TCF12: variants seen among roughly 807,000 people sequenced by gnomAD.
The protein encoded by TCF12 is DNA-binding protein HTF4.
In TCF12, 45 loss-of-function variants were observed where a neutral mutation model predicts 86.0. The ratio of observed to expected loss-of-function variants is 0.52; its 90% CI spans 0.41 to 0.67. The LOEUF is 0.67. Ranked by LOEUF, TCF12 falls within the 30% of genes least tolerant of loss-of-function variation. The pLI is 0.00. For missense variants in TCF12, 881 were observed against 859.9 expected, an observed-to-expected ratio of 1.02 and a Z score of -0.31; for synonymous variants, 330 against 299.6, an observed-to-expected ratio of 1.10 and a Z score of -1.05.
chr15:57,131,159 A>G (rs1354541956), intron 5 of TCF12, among the ~76,000 whole-genome samples: 3 of 152,208 alleles, frequency 2.0e-5, no homozygotes, highest in African/African-American at 7.2e-5. Context: ...TTGGAATCAA[A>G]AAAGAGAAAA....
rs1401350622 is a variant in TCF12 at position 57,273,026 on chromosome 15, C to G, written c.1746-4C>G. On this transcript the variant is annotated splice_region_variant and splice_polypyrimidine_tract_variant and intron_variant, in intron 18 of 20. Coordinates refer to ENST00000333725, the MANE Select transcript of TCF12 (RefSeq NM_207037.2). ...ATAGACCTTGTTGTTACTTTATTTTCTAGCAGTACTAATGAAGATGAGGAT... is the reference window on the plus strand; with the variant it reads ...ATAGACCTTGTTGTTACTTTATTTTGTAGCAGTACTAATGAAGATGAGGAT... 1.9e-6 allele frequency: 3 copies of G among 1,613,012 alleles called. No homozygotes were observed. Among genetic ancestry groups the G allele is most frequent in the Non-Finnish European group, 2.5e-6 (3 of 1,179,266 alleles).
At chr15:57,014,965 C>T (rs2065066735) in intron 3 of TCF12, among the ~76,000 whole-genome samples, 1 of 151,240 alleles carries the variant, frequency 6.6e-6, no homozygotes, top group Non-Finnish European at 1.5e-5. Flanking sequence ...GGGTCTGAGT[C>T]TGAGGAGGAG....
rs146114826 is a variant in TCF12 at position 57,092,977 on chromosome 15, C to G, written c.325+1086C>G. Among the ~76,000 whole-genome samples the G allele has an allele frequency of 2.0e-5, 3 of 152,166 alleles. No individual in the cohort carries two copies. In the East Asian group the frequency reaches 5.8e-4, roughly 29 times the overall value. ...TTGTTTCCCTTATTCTCTATAGTGT[C>G]GAGGAGACAGAATCTGATAGTCTAG... On this transcript the variant is annotated intron_variant, in intron 5 of 20. Coordinates refer to ENST00000333725, the MANE Select transcript of TCF12 (RefSeq NM_207037.2).
At chr15:57,012,450 A>G (rs2064888197) in intron 3 of TCF12, among the ~76,000 whole-genome samples, 1 of 152,212 alleles carries the variant, frequency 6.6e-6, no homozygotes, top group South Asian at 2.1e-4. Context: ...TATAAGTAGA[A>G]ACTATTATTC....
At chr15:57,097,060 C>G (rs1006300303) in intron 5 of TCF12, among the ~76,000 whole-genome samples, 4 of 152,070 alleles carry the variant, frequency 2.6e-5, no homozygotes, top group Non-Finnish European at 5.9e-5. Context: ...GGAATTTAAG[C>G]CCAAGTACAC....
rs67832685 is a variant in TCF12, at chr15:56,939,967, G to GTTTTT, written c.148+18889_148+18893dup. Among the ~76,000 whole-genome samples, 263 of 104,696 alleles carry GTTTTT rather than the reference G, an allele frequency of 2.5e-3. 16 individuals carry two copies. The highest frequency in any genetic ancestry group is 0.016 in the East Asian group (53 of 3,250). The allele number at this position is 104,696 out of a possible 152,430, so 68.7% of individuals were successfully genotyped here. A position where few individuals can be genotyped will look rare whatever the true frequency, so the allele number is the denominator to read the frequency against. On this transcript the variant is annotated intron_variant, in intron 3 of 20. Transcript: ENST00000333725. ...AAAAGAAGTGATACTTTAATAGCGTGTTTTTTTTTTTTTTTTTTTTTTTTG... is the reference window on the plus strand; with the variant it reads ...AAAAGAAGTGATACTTTAATAGCGTGTTTTTTTTTTTTTTTTTTTTTTTTTTTTTG...
chr15:57,184,230 C>T (rs1451889912), intron 6 of TCF12, among the ~76,000 whole-genome samples: 2 of 152,056 alleles, frequency 1.3e-5, no homozygotes, highest in African/African-American at 4.8e-5. Flanking sequence ...ACACTGAACG[C>T]TTAACACTGT....
intron 3 of TCF12, among the ~76,000 whole-genome samples, chr15:57,060,882 T>G (rs1734095901): frequency 6.6e-6 from 1 of 152,234 alleles, no homozygotes; most frequent in South Asian, 2.1e-4. Context: ...ATTTCTGTGT[T>G]TGTACAGCCA....
At chr15:57,188,749 T>A (rs1216397193) in intron 6 of TCF12, among the ~76,000 whole-genome samples, 2 of 152,224 alleles carry the variant, frequency 1.3e-5, no homozygotes, top group African/African-American at 4.8e-5. Context: ...TGCAAAAGAA[T>A]GAAGTTGTAC....
At chr15:57,150,352 A>G (rs1044448890) in intron 5 of TCF12, among the ~76,000 whole-genome samples, 3 of 152,198 alleles carry the variant, frequency 2.0e-5, no homozygotes, top group Non-Finnish European at 2.9e-5. Context: ...CCAATGAACC[A>G]AAGTGGAAAG....
In TCF12 at chr15:56,920,469, ATTTTATACACACACACACGT is replaced by A. The variant is rs1346909122; in HGVS notation, c.75+482_75+501del. Among the ~76,000 whole-genome samples the A allele has an allele frequency of 1.1e-4, 14 of 127,040 alleles. No homozygotes were observed. The East Asian group carries it at 3.7e-3, about 34-fold the overall frequency. The allele number at this position is 127,040 out of a possible 152,430, so 83.3% of individuals were successfully genotyped here. ...GAGCCTTCTGAAACAGAGTACTTTTATTTTATACACACACACACGTGTGTGTGTGTGTGTGTGTGTATTAT... is the reference window on the plus strand; with the variant it reads ...GAGCCTTCTGAAACAGAGTACTTTTAGTGTGTGTGTGTGTGTGTGTATTAT... On this transcript the variant is annotated intron_variant, in intron 2 of 20. Transcript: ENST00000333725.
At chr15:56,970,196 T>A (rs748786539) in intron 3 of TCF12, among the ~76,000 whole-genome samples, 35 of 152,236 alleles carry the variant, frequency 2.3e-4, no homozygotes, top group Middle Eastern at 6.8e-3. Flanking sequence ...GGAAAAAAGA[T>A]TACAGCTGGG....
At chr15:57,082,242 AT>A (rs2048359952) in intron 4 of TCF12, among the ~76,000 whole-genome samples, 1 of 152,216 alleles carries the variant, frequency 6.6e-6, no homozygotes, top group African/African-American at 2.4e-5. Flanking sequence ...ACTGTGTATT[AT>A]TACGGCCATG....
chr15:57,199,553 A>G (rs755302555), intron 8 of TCF12, among the ~76,000 whole-genome samples: 1 of 152,186 alleles, frequency 6.6e-6, no homozygotes. Flanking sequence ...CAGTAGGCAA[A>G]ATGGACAGAA....
At chr15:57,091,745 T>C in intron 4 of TCF12, 44 bp from the exon 5 acceptor site, 1 of 1,456,896 alleles carries the variant, frequency 6.9e-7, no homozygotes, top group East Asian at 2.3e-5. Flanking sequence ...TTAGCGGGAC[T>C]GCCAAATAAT....
chr15:57,108,628 TAGAG>T (rs1445703917), intron 5 of TCF12, among the ~76,000 whole-genome samples: 5 of 151,666 alleles, frequency 3.3e-5, no homozygotes, highest in South Asian at 2.1e-4. Context: ...AACAATTCCT[TAGAG>T]AGAGATCTGG....
Position 57,086,272 on chromosome 15 carries a change from A to G in TCF12, c.223-5517A>G, listed in dbSNP as rs1049050765. ...GACTAGTGTTTATTATGTGCTTACT[A>G]TGTGCCAGGAACTTTTCCAAGTGCT... On this transcript the variant is annotated intron_variant, in intron 4 of 20. Coordinates refer to ENST00000333725, the MANE Select transcript of TCF12 (RefSeq NM_207037.2). Among the ~76,000 whole-genome samples, 8 of 148,664 alleles carry G rather than the reference A, an allele frequency of 5.4e-5. No individual in the cohort carries two copies. In the East Asian group the frequency reaches 7.9e-4, roughly 15 times the overall value.
rs1867640 is a variant in TCF12 at position 57,235,320 on chromosome 15, C to T, written c.1035+1213C>T. 8.5e-3 allele frequency among the ~76,000 whole-genome samples: 1,289 copies of T among 152,216 alleles called. 28 individuals carry two copies. The highest frequency in any genetic ancestry group is 0.029 in the African/African-American group (1,222 of 41,534). On this transcript the variant is annotated intron_variant, in intron 12 of 20. Coordinates refer to ENST00000333725, the MANE Select transcript of TCF12 (RefSeq NM_207037.2). ...GCCCTGTAAGGTTGGCATTGTTATCCCCACATTACAGATGAGGAACTAAGG... is the reference window on the plus strand; with the variant it reads ...GCCCTGTAAGGTTGGCATTGTTATCTCCACATTACAGATGAGGAACTAAGG...
rs552977536 is a variant in TCF12, at chr15:57,184,047, A to G, written c.391-8111A>G. On this transcript the variant is annotated intron_variant, in intron 6 of 20. Transcript: ENST00000333725. ...ATAATTCACTGGCTAACTTTTACTC[A>G]TCTGAAAGTTTATGTTTACCTTATT... Among the ~76,000 whole-genome samples the G allele has an allele frequency of 5.9e-5, 9 of 152,208 alleles. No homozygotes were observed. In the East Asian group the frequency reaches 1.7e-3, roughly 29 times the overall value.
Sources: allele counts gnomAD v4.1 joint callset (sites outside exome capture counted in the v4.1 genomes callset), GRCh38; gene constraint gnomAD v4.1.1; transcripts MANE v1.5; gene names NCBI Gene and HGNC (gene_info 2026-07-23, HGNC 2026-07-21).